The following OLA1 variants were observed in gnomAD, a reference collection of about 807,000 sequenced individuals.
OLA1 encodes obg-like ATPase 1.
In OLA1, 14 loss-of-function variants were observed where a neutral mutation model predicts 48.4. That is an observed-to-expected ratio of 0.29 (90% CI 0.19 to 0.45). The LOEUF (loss-of-function observed/expected upper bound fraction) is 0.45, where lower values mean the gene tolerates loss of function less well. Among genes scored for constraint, OLA1 ranks in the 20% least tolerant of loss-of-function variants. The pLI, the probability that OLA1 is intolerant of heterozygous loss-of-function variation, is 1.00. For missense variants in OLA1, 325 were observed against 467.1 expected (o/e 0.70, Z 2.80); for synonymous variants, 127 against 150.4 (o/e 0.84, Z 1.14).
rs57416373 is a variant in OLA1, at chr2:174,219,006, T to TTTTG, written c.373+4026_373+4027insCAAA. Among the ~76,000 whole-genome samples the TTTTG allele has an allele frequency of 7.4e-5, 10 of 135,810 alleles. 2 individuals are homozygous for TTTTG. The East Asian group carries it at 1.0e-3, about 14-fold the overall frequency. The allele number at this position is 135,810 out of a possible 152,430, so 89.1% of individuals were successfully genotyped here. On this transcript the variant is annotated intron_variant, in intron 4 of 10. Coordinates refer to ENST00000284719, the MANE Select transcript of OLA1 (RefSeq NM_013341.5). ...CCGGCTAATTTTTTTTTTTTTTTTT[T>TTTTG]GTAGCAATGTGGTCTCCCTGTGCTT...
At chr2:174,230,721 G>T (rs1484272439) in intron 2 of OLA1, among the ~76,000 whole-genome samples, 4 of 152,138 alleles carry the variant, frequency 2.6e-5, no homozygotes, top group Non-Finnish European at 4.4e-5. Context: ...CTAAAAACCA[G>T]ATTTCTTCAA....
chr2:174,149,559 C>T (rs375403299), intron 4 of OLA1, among the ~76,000 whole-genome samples: 3 of 152,268 alleles, frequency 2.0e-5, no homozygotes, highest in African/African-American at 7.2e-5. Flanking sequence ...TGAATAAACG[C>T]AAAATGTCAA....
intron 4 of OLA1, among the ~76,000 whole-genome samples, chr2:174,214,548 G>C (rs1397606311): frequency 6.6e-6 from 1 of 152,106 alleles, no homozygotes; most frequent in African/African-American, 2.4e-5. Flanking sequence ...TTGAAGTAAA[G>C]TGTGTGGCAC....
At chr2:174,229,588 T>A in intron 2 of OLA1, 137 bp from the exon 3 acceptor site, 2 of 631,700 alleles carry the variant, frequency 3.2e-6, no homozygotes, top group Non-Finnish European at 5.4e-6. Flanking sequence ...AAAGGAACAA[T>A]ACATTTTTTA....
At chr2:174,197,925 T>C (rs890427210) in intron 4 of OLA1, among the ~76,000 whole-genome samples, 1 of 152,252 alleles carries the variant, frequency 6.6e-6, no homozygotes, top group Non-Finnish European at 1.5e-5. Context: ...TCTTTTCAAA[T>C]GATCACGTAG....
At chr2:174,081,020 G>A (rs1385330690) in intron 9 of OLA1, 132 bp downstream of exon 9, 1 of 711,230 alleles carries the variant, frequency 1.4e-6, no homozygotes, top group Non-Finnish European at 2.4e-6. Context: ...AATAATTAAA[G>A]TTATCCTGGA....
rs544636939 is a variant in OLA1 at position 174,131,099 on chromosome 2, T to C, written c.550-7424A>G. 1.8e-4 allele frequency among the ~76,000 whole-genome samples: 27 copies of C among 152,310 alleles called. 1 individual carries two copies. Among genetic ancestry groups the C allele is most frequent in the South Asian group, 6.2e-4 (3 of 4,830 alleles). On this transcript the variant is annotated intron_variant, in intron 5 of 10. Coordinates refer to ENST00000284719, the MANE Select transcript of OLA1 (RefSeq NM_013341.5). ...TGTAATTACCACCCTGATCAACATA[T>C]AGAAGATTATTAGTAGTACAGTTAC...
At chr2:174,218,534 AC>A (rs2105447055) in intron 4 of OLA1, among the ~76,000 whole-genome samples, 1 of 152,374 alleles carries the variant, frequency 6.6e-6, no homozygotes, top group Admixed American at 6.5e-5. Context: ...ATCCATAGTT[AC>A]GAGTTAGCAT....
Position 174,248,503 on chromosome 2 carries a change from T to C in OLA1, c.-52A>G, listed in dbSNP as rs1033796545. 1 of 165,680 alleles carries C rather than the reference T, an allele frequency of 6.0e-6. No homozygotes were observed. The highest frequency in any genetic ancestry group is 1.5e-5 in the Non-Finnish European group (1 of 68,196). 10.3% of individuals were successfully genotyped at this position (165,680 alleles called of 1,614,324 possible). A position where few individuals can be genotyped will look rare whatever the true frequency, so the allele number is the denominator to read the frequency against. ...GGTCCCAGCGGCAGCGAGAGAAAGG[T>C]CCTGCCGGCAGCTGGAGGCGGGGAG... On this transcript the variant is annotated 5_prime_UTR_variant, in exon 1 of 11. Coordinates refer to ENST00000284719, the MANE Select transcript of OLA1 (RefSeq NM_013341.5).
chr2:174,183,791 G>A (rs974915018), intron 4 of OLA1, among the ~76,000 whole-genome samples: 6 of 152,280 alleles, frequency 3.9e-5, no homozygotes, highest in Non-Finnish European at 7.4e-5. Flanking sequence ...AGAAGGCCTT[G>A]CAGAGTCCTG....
chr2:174,118,972 C>T (rs1685847000), intron 7 of OLA1, among the ~76,000 whole-genome samples: 1 of 151,430 alleles, frequency 6.6e-6, no homozygotes, highest in South Asian at 2.1e-4. Context: ...TGTTATCTCT[C>T]GATAAGAATA....
intron 8 of OLA1, 49 bp downstream of exon 8, chr2:174,081,875 C>T: frequency 6.3e-7 from 1 of 1,576,784 alleles, no homozygotes. Context: ...TAAATTACTG[C>T]AAGGAAATAG....
At chr2:174,185,670 G>A (rs1687642480) in intron 4 of OLA1, among the ~76,000 whole-genome samples, 1 of 152,190 alleles carries the variant, frequency 6.6e-6, no homozygotes, top group Non-Finnish European at 1.5e-5. Flanking sequence ...GCTCACACCT[G>A]TAATCCCAGC....
chr2:174,175,752 A>T (rs1687406116), intron 4 of OLA1, among the ~76,000 whole-genome samples: 1 of 152,096 alleles, frequency 6.6e-6, no homozygotes, highest in Non-Finnish European at 1.5e-5. Flanking sequence ...ATATCCATAC[A>T]AACATTTCTA....
At position 174,082,033 on chromosome 2, in the gene OLA1, A is replaced by G. The variant is rs1347268962; in HGVS notation, c.760T>C (p.Tyr254His). The G allele has an allele frequency of 6.2e-7, 1 of 1,613,430 alleles. No homozygotes were observed. Among genetic ancestry groups the G allele is most frequent in the Non-Finnish European group, 8.5e-7 (1 of 1,179,440 alleles). Residue 254 changes from tyrosine (Y) to histidine (H), a missense_variant, in exon 8 of 11, where the codon TAT becomes CAT. Tyr to His is a moderately conservative substitution (Grantham distance 83). Coordinates refer to ENST00000284719, the MANE Select transcript of OLA1 (RefSeq NM_013341.5). Reference sequence around the variant, plus strand: ...GGAATGACCAAAGCACCTGGGTCATACTTGTCCACCCACTCTTTAATTTTT... The same window carrying G: ...GGAATGACCAAAGCACCTGGGTCATGCTTGTCCACCCACTCTTTAATTTTT... ...LIKIKEWVDK[Y>H]DPGALVIPFS...
chr2:174,171,829 C>G (rs1021505044), intron 4 of OLA1: 2 of 152,646 alleles, frequency 1.3e-5, no homozygotes, highest in East Asian at 1.9e-4. Flanking sequence ...CGGGAGGAGC[C>G]GCAGCTGGTG....
chr2:174,185,483 A>G (rs1687638041), intron 4 of OLA1, among the ~76,000 whole-genome samples: 1 of 152,176 alleles, frequency 6.6e-6, no homozygotes, highest in African/African-American at 2.4e-5. Context: ...ACATTCGAAT[A>G]CTTATTTTTT....
At chr2:174,113,277 A>G (rs868726037) in intron 7 of OLA1, among the ~76,000 whole-genome samples, 2 of 152,208 alleles carry the variant, frequency 1.3e-5, no homozygotes, top group Non-Finnish European at 2.9e-5. Flanking sequence ...ATGGTTTGCT[A>G]TAACAGAAAA....
intron 4 of OLA1, among the ~76,000 whole-genome samples, chr2:174,193,192 C>T (rs972630762): frequency 4.0e-5 from 6 of 151,176 alleles, no homozygotes; most frequent in African/African-American, 4.9e-5. Flanking sequence ...TGGATTCAAG[C>T]GATTCTCGTG....
Sources: gnomAD v4.1 joint callset for allele counts (sites outside exome capture counted in the v4.1 genomes callset) on GRCh38, gnomAD v4.1.1 for gene constraint, MANE v1.5 for transcripts, NCBI Gene and HGNC (gene_info 2026-07-23, HGNC 2026-07-21) for gene names.